Variants in PRSS12 observed in about 807,000 individuals in gnomAD.
The protein encoded by PRSS12 is neurotrypsin.
In PRSS12, 85 loss-of-function variants were observed where a neutral mutation model predicts 104.4. That is an observed-to-expected ratio of 0.81 (90% CI 0.68 to 0.98). The LOEUF (loss-of-function observed/expected upper bound fraction) is 0.98, where lower values mean the gene tolerates loss of function less well. PRSS12 is among the 50% of genes least tolerant of loss of function. The probability of loss-of-function intolerance (pLI) is 0.00; values close to 1 mark genes in which losing one functional copy is unlikely to be tolerated. For synonymous variants in PRSS12, 454 were observed against 425.2 expected (o/e 1.07, Z -0.83); for missense variants, 1,141 against 1,139.2 (o/e 1.00, Z -0.02).
At chr4:118,311,400 A>C (rs2126033154) in intron 7 of PRSS12, among the ~76,000 whole-genome samples, 1 of 152,320 alleles carries the variant, frequency 6.6e-6, no homozygotes, top group Middle Eastern at 3.4e-3. Flanking sequence ...AAATAGCTGA[A>C]AACAGCAGTA....
intron 1 of PRSS12, among the ~76,000 whole-genome samples, chr4:118,346,138 C>T (rs1334258875): frequency 6.6e-6 from 1 of 152,104 alleles, no homozygotes; most frequent in East Asian, 1.9e-4. Flanking sequence ...TAACCACCAG[C>T]CTAAGAATAA....
At chr4:118,324,922 G>T (rs1305308746) in intron 4 of PRSS12, among the ~76,000 whole-genome samples, 1 of 151,894 alleles carries the variant, frequency 6.6e-6, no homozygotes, top group Non-Finnish European at 1.5e-5. Flanking sequence ...TGTTGGTCAG[G>T]CTGGTCTCGA....
chr4:118,295,563 A>G (rs1379465933), intron 10 of PRSS12, among the ~76,000 whole-genome samples: 1 of 152,216 alleles, frequency 6.6e-6, no homozygotes, highest in Non-Finnish European at 1.5e-5. Flanking sequence ...TTTCAGCAAC[A>G]CATCTAATCT....
chr4:118,330,076 C>A (rs2126039912), intron 4 of PRSS12, among the ~76,000 whole-genome samples: 1 of 152,306 alleles, frequency 6.6e-6, no homozygotes, highest in South Asian at 2.1e-4. Context: ...CCAGTAATCA[C>A]AGCAAAACCT....
chr4:118,296,664 A>T (rs549653196), intron 9 of PRSS12, among the ~76,000 whole-genome samples: 98 of 152,232 alleles, frequency 6.4e-4, no homozygotes, highest in African/African-American at 2.0e-3. Flanking sequence ...TGCCAAGTAC[A>T]GGAAGACCTA....
At position 118,283,120 on chromosome 4, in the gene PRSS12, C is replaced by T. The variant is rs752276918; in HGVS notation, c.2040-9G>A. On this transcript the variant is annotated splice_polypyrimidine_tract_variant and intron_variant, in intron 11 of 12. Transcript: ENST00000296498. The stretch of plus-strand genomic sequence containing the variant: ...TAGTGCTGTTGCCATACCTGAGAGG[C>T]AGAGAGTACTAATGAGAGACTTGCT... 3 of 1,613,920 alleles carry T rather than the reference C, an allele frequency of 1.9e-6. No individual in the cohort carries two copies. The South Asian group carries it at 3.3e-5, about 18-fold the overall frequency.
intron 2 of PRSS12, among the ~76,000 whole-genome samples, chr4:118,337,891 G>A (rs1452592940): frequency 6.6e-6 from 1 of 152,034 alleles, no homozygotes; most frequent in Non-Finnish European, 1.5e-5. Flanking sequence ...AAAGGCCTCT[G>A]TATTTTGTTA....
chr4:118,311,487 T>C (rs966883483), intron 7 of PRSS12, among the ~76,000 whole-genome samples: 1 of 152,206 alleles, frequency 6.6e-6, no homozygotes, highest in African/African-American at 2.4e-5. Flanking sequence ...TTTATATTGT[T>C]ATCCTGTTAT....
intron 4 of PRSS12, among the ~76,000 whole-genome samples, chr4:118,323,107 A>G (rs1208090986): frequency 6.6e-6 from 1 of 152,054 alleles, no homozygotes; most frequent in Non-Finnish European, 1.5e-5. Context: ...GGCCCTTTAC[A>G]GAAAAAGTTT....
intron 5 of PRSS12, among the ~76,000 whole-genome samples, chr4:118,316,837 A>AAATATATAT (rs35698159): frequency 2.6e-4 from 26 of 99,194 alleles, no homozygotes; most frequent in South Asian, 1.1e-3. Flanking sequence ...AAAAAAAAAA[A>AAATATATAT]ATATATATAT....
At position 118,352,924 on chromosome 4, in the gene PRSS12, G is replaced by A; in HGVS notation, c.-204C>T. 1 of 1,317,026 alleles carries A rather than the reference G, an allele frequency of 7.6e-7. No individual in the cohort carries two copies. 81.6% of individuals were successfully genotyped at this position (1,317,026 alleles called of 1,614,324 possible). ...GCCTCGGCTCCTGTCCCCTGGCGGCGGCCGCGGGTGGGGAAATCTGGAGCT... is the reference window on the plus strand; with the variant it reads ...GCCTCGGCTCCTGTCCCCTGGCGGCAGCCGCGGGTGGGGAAATCTGGAGCT... On this transcript the variant is annotated 5_prime_UTR_variant, in exon 1 of 13. Coordinates refer to ENST00000296498, the MANE Select transcript of PRSS12 (RefSeq NM_003619.4).
In PRSS12 at chr4:118,335,521, C is replaced by T. The variant is rs370713768; in HGVS notation, c.772G>A (p.Val258Met). The change falls in exon 3 of 13, where the codon GTG becomes ATG. Residue 258 changes from valine to methionine, a missense_variant. Transcript: ENST00000296498. ...LCEKDIWQGG[V>M]CPQKMAAAVT... ...GCAGCTGCCATCTTCTGAGGACACA[C>T]CCCACCCTGCCAGATGTCTTTTTCA... is the stretch of plus-strand genomic sequence containing the variant. The T allele has an allele frequency of 5.5e-5, 88 of 1,613,862 alleles. No individual in the cohort carries two copies. Among genetic ancestry groups the T allele is most frequent in the Non-Finnish European group, 6.9e-5 (81 of 1,179,970 alleles).
chr4:118,347,031 A>G (rs1039231558), intron 1 of PRSS12, among the ~76,000 whole-genome samples: 1 of 152,136 alleles, frequency 6.6e-6, no homozygotes, highest in Non-Finnish European at 1.5e-5. Context: ...CCCCTGGACA[A>G]TAGCTCATAA....
intron 2 of PRSS12, 47 bp downstream of exon 2, chr4:118,338,129 T>C: frequency 6.2e-7 from 1 of 1,608,024 alleles, no homozygotes; most frequent in Non-Finnish European, 8.5e-7. Context: ...CCCAGCATTA[T>C]TCTCAAATAC....
rs1172082357 is a variant in PRSS12, at chr4:118,352,202, G to A, written c.502+17C>T. ...GAGCCCGTCCGGAGTTTCCGCGGCC[G>A]CCCCGAGGCCACTAACCGTGTCTGC... On this transcript the variant is annotated intron_variant, in intron 1 of 12. Transcript: ENST00000296498. 2 of 1,610,250 alleles carry A rather than the reference G, an allele frequency of 1.2e-6. No homozygotes were observed. The highest frequency in any genetic ancestry group is 8.5e-7 in the Non-Finnish European group (1 of 1,179,294).
chr4:118,348,811 C>G (rs2126046623), intron 1 of PRSS12, among the ~76,000 whole-genome samples: 1 of 152,204 alleles, frequency 6.6e-6, no homozygotes, highest in South Asian at 2.1e-4. Flanking sequence ...GCCACCATGC[C>G]TGGCTAATTT....
At chr4:118,318,041 T>C (rs1316361835) in intron 5 of PRSS12, among the ~76,000 whole-genome samples, 5 of 152,204 alleles carry the variant, frequency 3.3e-5, no homozygotes, top group African/African-American at 7.2e-5. Context: ...GAAACGTTAA[T>C]AGATGAATGG....
At chr4:118,319,463 T>C (rs4834678) in intron 4 of PRSS12, among the ~76,000 whole-genome samples, 42,404 of 152,022 alleles carry the variant, frequency 0.28, 6,148 homozygotes, top group East Asian at 0.39. Flanking sequence ...TGGAGCCTAA[T>C]AAGTTATCTT....
chr4:118,299,270 T>TTAAAGAG (rs1292594078), intron 8 of PRSS12, among the ~76,000 whole-genome samples: 1 of 152,202 alleles, frequency 6.6e-6, no homozygotes, highest in African/African-American at 2.4e-5. Context: ...TTTTACCCTC[T>TTAAAGAG]TAAAGAGTAC....
Sources: gnomAD v4.1 joint callset for allele counts (sites outside exome capture counted in the v4.1 genomes callset) on GRCh38, gnomAD v4.1.1 for gene constraint, MANE v1.5 for transcripts, NCBI Gene and HGNC (gene_info 2026-07-23, HGNC 2026-07-21) for gene names.